The following ITPR1 variants were observed in gnomAD, a reference collection of about 807,000 sequenced individuals.
ITPR1 encodes inositol 1,4,5-trisphosphate receptor type 1.
Under a neutral mutation model 318.4 loss-of-function variants are expected in ITPR1, and 96 were observed. The ratio of observed to expected loss-of-function variants is 0.30; its 90% confidence interval spans 0.26 to 0.36. The LOEUF (loss-of-function observed/expected upper bound fraction) is 0.36, where lower values mean the gene tolerates loss of function less well. Ranked by LOEUF, ITPR1 falls within the 10% of genes least tolerant of loss-of-function variation. The pLI is 1.00. For synonymous variants in ITPR1, 1,312 were observed against 1,289.9 expected, an observed-to-expected ratio of 1.02 and a Z score of -0.37; for missense variants, 2,440 against 3,460.2, an observed-to-expected ratio of 0.71 and a Z score of 7.40.
At chr3:4,788,815 G>A (rs911151364) in intron 52 of ITPR1, among the ~76,000 whole-genome samples, 1 of 152,150 alleles carries the variant, frequency 6.6e-6, no homozygotes, top group African/African-American at 2.4e-5. Flanking sequence ...AAAAAGGATC[G>A]TGCTTGATTT....
At chr3:4,684,152 A>T (rs2094349778) in intron 28 of ITPR1, 129 bp from the exon 29 acceptor site, 1 of 683,194 alleles carries the variant, frequency 1.5e-6, no homozygotes, top group Admixed American at 2.4e-5. Context: ...ACTGGGGCAT[A>T]AGCCCAGCAT....
chr3:4,680,933 T>C (rs1488912575), intron 25 of ITPR1, among the ~76,000 whole-genome samples: 5 of 152,158 alleles, frequency 3.3e-5, no homozygotes, highest in Admixed American at 6.5e-5. Context: ...CAGTTGAGGT[T>C]TCCAGCATTG....
chr3:4,608,928 G>A (rs1575700320), intron 4 of ITPR1, among the ~76,000 whole-genome samples: 1 of 148,810 alleles, frequency 6.7e-6, no homozygotes, highest in Middle Eastern at 3.4e-3. Flanking sequence ...CTTGAACCCT[G>A]GAGGTAGAGG....
At chr3:4,612,304 C>T (rs1296609614) in intron 4 of ITPR1, among the ~76,000 whole-genome samples, 3 of 151,774 alleles carry the variant, frequency 2.0e-5, no homozygotes, top group African/African-American at 4.8e-5. Flanking sequence ...TCAGGTGATC[C>T]GCCTGCCTCG....
intron 4 of ITPR1, among the ~76,000 whole-genome samples, chr3:4,614,885 A>G (rs1015774118): frequency 4.6e-5 from 7 of 152,130 alleles, no homozygotes; most frequent in Non-Finnish European, 1.0e-4. Flanking sequence ...TGATGGTGAA[A>G]GCCTTTGTGT....
chr3:4,762,772 C>A (rs1207829298), intron 44 of ITPR1, among the ~76,000 whole-genome samples: 1 of 152,218 alleles, frequency 6.6e-6, no homozygotes, highest in South Asian at 2.1e-4. Context: ...AACACCTTCC[C>A]AGTGTGGCAA....
chr3:4,781,591 G>C (rs1404036794), intron 49 of ITPR1, among the ~76,000 whole-genome samples: 2 of 152,196 alleles, frequency 1.3e-5, no homozygotes, highest in African/African-American at 2.4e-5. Context: ...TCGTGCGGCT[G>C]TGAAGGGTAA....
chr3:4,711,210 CAAAAAAAAA>C (rs1169754547), intron 38 of ITPR1, among the ~76,000 whole-genome samples: 2,393 of 57,968 alleles, frequency 0.041, 87 homozygotes, highest in African/African-American at 0.12. Flanking sequence ...GACCTTGTCT[CAAAAAAAAA>C]AAAAAAAAAA....
chr3:4,581,675 C>T (rs1575600204), intron 4 of ITPR1, among the ~76,000 whole-genome samples: 1 of 152,230 alleles, frequency 6.6e-6, no homozygotes, highest in East Asian at 1.9e-4. Flanking sequence ...ATTTGTGATG[C>T]AAAAATGACT....
At chr3:4,752,377 C>T (rs144290129) in intron 44 of ITPR1, among the ~76,000 whole-genome samples, 6 of 152,088 alleles carry the variant, frequency 3.9e-5, no homozygotes, top group African/African-American at 1.4e-4. Context: ...TCACTGGGGC[C>T]GGGGTAGTTA....
intron 46 of ITPR1, among the ~76,000 whole-genome samples, chr3:4,770,289 G>T (rs2046105332): frequency 6.6e-6 from 1 of 152,212 alleles, no homozygotes; most frequent in African/African-American, 2.4e-5. Flanking sequence ...ACTTGCCACA[G>T]AGTCTATGCC....
At chr3:4,608,336 G>A (rs183589147) in intron 4 of ITPR1, among the ~76,000 whole-genome samples, 43 of 152,204 alleles carry the variant, frequency 2.8e-4, no homozygotes, top group South Asian at 8.3e-4. Context: ...GGTGTCAAGT[G>A]TAGAATTCCA....
Position 4,840,029 on chromosome 3 carries a change from C to CTTTTTTTT in ITPR1, c.8190+3116_8190+3123dup, listed in dbSNP as rs56096727. On this transcript the variant is annotated intron_variant, in intron 61 of 61. Transcript: ENST00000649015. ...TTACAGGAAAAATTCAGCATAGCTG[C>CTTTTTTTT]TTTTTTTTTTTTTTTTTTTTTTTTT... Among the ~76,000 whole-genome samples the CTTTTTTTT allele has an allele frequency of 3.8e-3, 393 of 104,732 alleles. 40 individuals carry two copies. Among genetic ancestry groups the CTTTTTTTT allele is most frequent in the South Asian group, 4.5e-3 (17 of 3,794 alleles). 68.7% of individuals were successfully genotyped at this position (104,732 alleles called of 152,430 possible). A position where few individuals can be genotyped will look rare whatever the true frequency, so the allele number is the denominator to read the frequency against.
At chr3:4,829,981 T>G (rs1186180052) in intron 60 of ITPR1, among the ~76,000 whole-genome samples, 2 of 61,962 alleles carry the variant, frequency 3.2e-5, no homozygotes, top group Non-Finnish European at 4.2e-5. Flanking sequence ...TTTTTTTTTG[T>G]GTGTGTGTGT....
At chr3:4,692,724 A>T (rs1314826992) in intron 32 of ITPR1, among the ~76,000 whole-genome samples, 1 of 151,828 alleles carries the variant, frequency 6.6e-6, no homozygotes, top group African/African-American at 2.4e-5. Flanking sequence ...TTTGAAGAGT[A>T]AGTATGGAGA....
chr3:4,525,100 A>G (rs776662668), intron 4 of ITPR1, among the ~76,000 whole-genome samples: 4 of 151,606 alleles, frequency 2.6e-5, no homozygotes, highest in Non-Finnish European at 5.9e-5. Context: ...TTTTGTCTTC[A>G]AATTGTTTGT....
At chr3:4,751,570 C>G (rs904034946) in intron 44 of ITPR1, 4 of 152,212 alleles carry the variant, frequency 2.6e-5, no homozygotes, top group Non-Finnish European at 5.9e-5. Context: ...CCAAACCCAC[C>G]TCTGCCTTGC....
rs149422014 is a variant in ITPR1 at position 4,611,223 on chromosome 3, C to G, written c.164-16540C>G. Among the ~76,000 whole-genome samples the G allele has an allele frequency of 3.3e-3, 412 of 126,370 alleles. 1 individual carries two copies. Among genetic ancestry groups the G allele is most frequent in the Non-Finnish European group, 4.6e-3 (297 of 63,998 alleles). 82.9% of individuals were successfully genotyped at this position (126,370 alleles called of 152,430 possible). On this transcript the variant is annotated intron_variant, in intron 4 of 61. Transcript: ENST00000649015. ...CAGCCTGGGCAACATGTCAAAACCT[C>G]ATCTCTACAAAAAAAAAAACAAAAA...
intron 20 of ITPR1, among the ~76,000 whole-genome samples, chr3:4,672,468 G>C (rs767350368): frequency 1.3e-5 from 2 of 152,226 alleles, no homozygotes; most frequent in Non-Finnish European, 2.9e-5. Context: ...TTGAAAGCCT[G>C]TGGCTTTCTC....
Sources: allele counts gnomAD v4.1 joint callset (sites outside exome capture counted in the v4.1 genomes callset), GRCh38; gene constraint gnomAD v4.1.1; transcripts MANE v1.5; gene names NCBI Gene and HGNC (gene_info 2026-07-23, HGNC 2026-07-21).